The following RPGR variants were observed in gnomAD, a reference collection of about 807,000 sequenced individuals.
The protein encoded by RPGR is X-linked retinitis pigmentosa GTPase regulator.
In RPGR, 10 loss-of-function variants were observed where a neutral mutation model predicts 56.3. The ratio of observed to expected loss-of-function variants is 0.18; its 90% CI spans 0.11 to 0.30. The LOEUF (loss-of-function observed/expected upper bound fraction) is 0.30. Ranked by LOEUF, RPGR falls within the 10% of genes least tolerant of loss-of-function variation. The pLI is 1.00. For missense variants in RPGR, 538 were observed against 590.9 expected (o/e 0.91, Z 0.93); for synonymous variants, 197 against 212.9 (o/e 0.93, Z 0.65).
chrX:38,300,712 T>C (rs1232724077), intron 9 of RPGR, among the ~76,000 whole-genome samples: 1 of 110,947 alleles, frequency 9.0e-6, no homozygotes, highest in African/African-American at 3.3e-5. Context: ...TTTTTGTATT[T>C]TCATTAGTGA....
At chrX:38,275,976 T>C (rs189731028) in intron 16 of RPGR, among the ~76,000 whole-genome samples, 9 of 112,245 alleles carry the variant, frequency 8.0e-5, no homozygotes, top group African/African-American at 2.9e-4. Flanking sequence ...ATTTCAAACC[T>C]ACAAACTATC....
chrX:38,270,004 C>G (rs981679005), intron 18 of RPGR, among the ~76,000 whole-genome samples: 7 of 111,637 alleles, frequency 6.3e-5, no homozygotes, highest in African/African-American at 2.3e-4. Flanking sequence ...TTTCCTTTCA[C>G]CAAAAGGCAG....
At position 38,297,299 on chromosome X, in the gene RPGR, G is replaced by C; in HGVS notation, c.1399C>G (p.Gln467Glu). 1.7e-6 allele frequency: 2 copies of C among 1,210,498 alleles called. No homozygotes were observed. Among genetic ancestry groups the C allele is most frequent in the South Asian group, 3.5e-5 (2 of 56,925 alleles). Residue 467 changes from glutamine to glutamate, a missense_variant, in exon 11 of 19, where the codon CAG (glutamine) becomes GAG (glutamate). Coordinates refer to ENST00000642395, the MANE Select transcript of RPGR (RefSeq NM_000328.3). Reference sequence around the variant, plus strand: ...CAAATGTTACCTGGTTCCTCTGGCTGCATGAGGTCCTGTTCAGATAAGACA... The same window carrying C: ...CAAATGTTACCTGGTTCCTCTGGCTCCATGAGGTCCTGTTCAGATAAGACA...
chrX:38,322,954 A>C lies in RPGR; in HGVS notation c.155-9T>G. The C allele has an allele frequency of 4.3e-6, 5 of 1,156,908 alleles. No individual in the cohort carries two copies. Among genetic ancestry groups the C allele is most frequent in the Non-Finnish European group, 5.9e-6 (5 of 845,454 alleles). On this transcript the variant is annotated splice_polypyrimidine_tract_variant and intron_variant, in intron 2 of 18. Transcript: ENST00000642395. ...GTAAAGTTTATTATTTCCTGGTAGGAGGGAAAAAGAAATAATCAATTGAAG... is the reference window on the plus strand; with the variant it reads ...GTAAAGTTTATTATTTCCTGGTAGGCGGGAAAAAGAAATAATCAATTGAAG...
At chrX:38,310,108 T>C (rs755632003) in intron 7 of RPGR, among the ~76,000 whole-genome samples, 1 of 110,507 alleles carries the variant, frequency 9.0e-6, no homozygotes, top group Non-Finnish European at 1.9e-5. Flanking sequence ...GCCTCCTGAA[T>C]ACCTGAGACC....
chrX:38,323,091 A>G (rs2067979410), intron 2 of RPGR, 146 bp from the exon 3 acceptor site: 1 of 514,992 alleles, frequency 1.9e-6, no homozygotes, highest in Admixed American at 3.3e-5. Context: ...TCTATGTATA[A>G]CCAGTTTCTA....
At chrX:38,301,207 G>A (rs750984740) in intron 9 of RPGR, 40 bp downstream of exon 9, 1 of 1,109,316 alleles carries the variant, frequency 9.0e-7, no homozygotes, top group Non-Finnish European at 1.2e-6. Context: ...CTCAAATACA[G>A]TAATATGAAA....
intron 18 of RPGR, among the ~76,000 whole-genome samples, chrX:38,271,105 A>T (rs765978416): frequency 5.3e-5 from 6 of 112,486 alleles, no homozygotes; most frequent in Non-Finnish European, 1.1e-4. Flanking sequence ...CAAAACAAAA[A>T]GCAGGAAACA....
At chrX:38,278,210 CTTTG>C (rs1296884321) in intron 15 of RPGR, among the ~76,000 whole-genome samples, 5 of 111,875 alleles carry the variant, frequency 4.5e-5, no homozygotes, top group African/African-American at 1.3e-4. Context: ...TACTTTTAAG[CTTTG>C]TTTTTGTCTG....
intron 9 of RPGR, among the ~76,000 whole-genome samples, chrX:38,301,027 T>G (rs762522554): frequency 1.1e-4 from 12 of 111,619 alleles, no homozygotes; most frequent in Non-Finnish European, 2.3e-4. Context: ...AGAGACAAGA[T>G]TTCAGCAAAA....
chrX:38,316,638 G>T (rs912055867), intron 6 of RPGR, among the ~76,000 whole-genome samples: 1 of 110,824 alleles, frequency 9.0e-6, no homozygotes, highest in Non-Finnish European at 1.9e-5. Flanking sequence ...AATATTTATT[G>T]ATTATCAGTT....
intron 8 of RPGR, among the ~76,000 whole-genome samples, chrX:38,302,325 A>G (rs1479382009): frequency 9.0e-6 from 1 of 111,285 alleles, no homozygotes; most frequent in Non-Finnish European, 1.9e-5. Context: ...AACCTAAAGG[A>G]TGAGTAGGGC....
intron 8 of RPGR, among the ~76,000 whole-genome samples, chrX:38,301,635 G>A (rs1349786563): frequency 9.0e-6 from 1 of 111,247 alleles, no homozygotes; most frequent in African/African-American, 3.3e-5. Flanking sequence ...AGTGTGTGGA[G>A]CAGCAGCAAT....
intron 6 of RPGR, 52 bp from the exon 7 acceptor site, chrX:38,310,825 G>A (rs2067703188): frequency 8.6e-7 from 1 of 1,156,452 alleles, no homozygotes; most frequent in Non-Finnish European, 1.2e-6. Flanking sequence ...TGAACAAAAA[G>A]CTGGTCTTAC....
intron 4 of RPGR, 117 bp from the exon 5 acceptor site, chrX:38,319,104 T>G (rs2067882433): frequency 1.3e-6 from 1 of 745,462 alleles, no homozygotes; most frequent in Admixed American, 2.7e-5. Context: ...GCTATCACTA[T>G]CCTATTATTT....
chrX:38,304,341 A>G (rs536812710), intron 8 of RPGR, among the ~76,000 whole-genome samples: 2 of 112,342 alleles, frequency 1.8e-5, no homozygotes, highest in Admixed American at 1.9e-4. Context: ...TCAAAATGAT[A>G]TAATTTCAAA....
At chrX:38,292,048 T>C (rs746049814) in intron 11 of RPGR, among the ~76,000 whole-genome samples, 2 of 110,882 alleles carry the variant, frequency 1.8e-5, no homozygotes, top group Non-Finnish European at 3.8e-5. Context: ...ACTTGCTCTG[T>C]AGGAGTCCAT....
At chrX:38,284,032 G>A (rs1041311963) in intron 15 of RPGR, among the ~76,000 whole-genome samples, 3 of 111,620 alleles carry the variant, frequency 2.7e-5, no homozygotes, top group Non-Finnish European at 5.6e-5. Flanking sequence ...TTGCAGCTAA[G>A]GCAAAACTTA....
intron 17 of RPGR, chrX:38,273,543 C>T: frequency 2.3e-6 from 2 of 851,531 alleles, no homozygotes; most frequent in Non-Finnish European, 3.4e-6. Context: ...CTGATGCTCT[C>T]AGTGAAACTC....
Sources: allele counts gnomAD v4.1 joint callset (sites outside exome capture counted in the v4.1 genomes callset), GRCh38; gene constraint gnomAD v4.1.1; transcripts MANE v1.5; gene names NCBI Gene and HGNC (gene_info 2026-07-23, HGNC 2026-07-21).